MSR1: variants seen among roughly 807,000 people sequenced by gnomAD.
The protein encoded by MSR1 is macrophage scavenger receptor types I and II.
Under a neutral mutation model 47.2 loss-of-function variants are expected in MSR1, and 53 were observed. That is an observed-to-expected ratio of 1.12 (90% CI 0.90 to 1.41). The LOEUF (loss-of-function observed/expected upper bound fraction) is 1.41, where lower values mean the gene tolerates loss of function less well. Ranked by LOEUF, MSR1 falls within the 40% of genes most tolerant of loss-of-function variation. MSR1 has a pLI of 0.00. For synonymous variants in MSR1, 239 were observed against 185.6 expected, an observed-to-expected ratio of 1.29 and a Z score of -2.34; for missense variants, 786 against 546.9, an observed-to-expected ratio of 1.44 and a Z score of -4.36.
At chr8:16,149,530 ACT>A (rs1412122214) in intron 7 of MSR1, among the ~76,000 whole-genome samples, 8 of 151,576 alleles carry the variant, frequency 5.3e-5, no homozygotes, top group African/African-American at 1.9e-4. Flanking sequence ...ACTTGGCCCG[ACT>A]CTATTCTCTT....
intron 8 of MSR1, among the ~76,000 whole-genome samples, chr8:16,132,676 G>A (rs1800289808): frequency 6.6e-6 from 1 of 150,380 alleles, no homozygotes; most frequent in Non-Finnish European, 1.5e-5. Context: ...TAGTACAGAC[G>A]GGTTTTGCCA....
intron 9 of MSR1, among the ~76,000 whole-genome samples, chr8:16,118,209 T>C (rs573368269): frequency 6.6e-6 from 1 of 152,242 alleles, no homozygotes; most frequent in East Asian, 1.9e-4. Flanking sequence ...CAAAAGCACA[T>C]CTTGAGAATC....
intron 3 of MSR1, among the ~76,000 whole-genome samples, chr8:16,170,588 T>C (rs1157340794): frequency 6.6e-6 from 1 of 152,186 alleles, no homozygotes; most frequent in Non-Finnish European, 1.5e-5. Flanking sequence ...CTCAAAAATA[T>C]ATGCAGCTCC....
At position 16,125,637 on chromosome 8, in the gene MSR1, T is replaced by C. The variant is rs528698643; in HGVS notation, c.1034-5031A>G. 3.3e-5 allele frequency among the ~76,000 whole-genome samples: 5 copies of C among 152,236 alleles called. No homozygotes were observed. The South Asian group carries it at 1.0e-3, about 32-fold the overall frequency. On this transcript the variant is annotated intron_variant, in intron 8 of 9. Coordinates refer to ENST00000262101, the MANE Select transcript of MSR1 (RefSeq NM_138715.3). ...GGGACATAAGAATAGTACATACATA[T>C]GTAGTAAATGCACAAAAACATGAAC...
At chr8:16,187,834 T>C (rs1279112830) in intron 1 of MSR1, among the ~76,000 whole-genome samples, 3 of 152,156 alleles carry the variant, frequency 2.0e-5, no homozygotes, top group African/African-American at 7.2e-5. Flanking sequence ...ACAAAAAATA[T>C]TACCCTCAGT....
intron 8 of MSR1, among the ~76,000 whole-genome samples, chr8:16,142,114 AG>A (rs1800573519): frequency 6.6e-6 from 1 of 152,182 alleles, no homozygotes; most frequent in African/African-American, 2.4e-5. Flanking sequence ...GCAGATCATG[AG>A]GTCAGGGGAT....
intron 3 of MSR1, 53 bp from the exon 4 acceptor site, chr8:16,168,923 C>G: frequency 6.7e-7 from 1 of 1,494,982 alleles, no homozygotes; most frequent in Non-Finnish European, 9.2e-7. Context: ...TGAATGCATA[C>G]AGGATCCCAT....
chr8:16,165,714 C>T (rs1015915761), intron 4 of MSR1, among the ~76,000 whole-genome samples: 6 of 152,050 alleles, frequency 3.9e-5, no homozygotes, highest in Middle Eastern at 3.2e-3. Flanking sequence ...ACTAGACAAG[C>T]TTAGGTGAGA....
At chr8:16,152,085 C>A (rs1013980313) in intron 6 of MSR1, among the ~76,000 whole-genome samples, 2 of 151,386 alleles carry the variant, frequency 1.3e-5, no homozygotes, top group African/African-American at 2.4e-5. Context: ...TTCTCCTCCC[C>A]CTCTTCCTCA....
intron 8 of MSR1, among the ~76,000 whole-genome samples, chr8:16,142,905 A>G (rs994358679): frequency 6.6e-6 from 1 of 152,140 alleles, no homozygotes; most frequent in African/African-American, 2.4e-5. Flanking sequence ...TAATCCTTTC[A>G]TTATATCAGT....
intron 5 of MSR1, among the ~76,000 whole-genome samples, chr8:16,159,573 C>T (rs561519734): frequency 6.6e-6 from 1 of 151,888 alleles, no homozygotes; most frequent in Non-Finnish European, 1.5e-5. Context: ...AAGGATAAAG[C>T]ACTCATTAAT....
chr8:16,119,975 C>G (rs1799958965), intron 9 of MSR1, among the ~76,000 whole-genome samples: 1 of 151,286 alleles, frequency 6.6e-6, no homozygotes, highest in South Asian at 2.1e-4. Flanking sequence ...TTCAGCCTCC[C>G]AAAGTGCTGG....
chr8:16,110,251 T>A, intron 9 of MSR1, 33 bp from the exon 10 acceptor site: 1 of 1,610,892 alleles, frequency 6.2e-7, no homozygotes, highest in Non-Finnish European at 8.5e-7. Flanking sequence ...CATTAGTAAG[T>A]TTAGAGTTTA....
intron 8 of MSR1, among the ~76,000 whole-genome samples, chr8:16,139,053 G>C (rs1324444105): frequency 1.3e-5 from 2 of 152,136 alleles, no homozygotes; most frequent in African/African-American, 4.8e-5. Flanking sequence ...ACTCTGTTTA[G>C]TAGCTTCTTT....
chr8:16,190,356 CTT>C (rs2116954863), intron 1 of MSR1, among the ~76,000 whole-genome samples: 1 of 152,204 alleles, frequency 6.6e-6, no homozygotes, highest in South Asian at 2.1e-4. Context: ...ATATTCCAGA[CTT>C]ATATGTGAAT....
At chr8:16,156,002 T>C (rs1031185240) in intron 5 of MSR1, among the ~76,000 whole-genome samples, 17 of 151,872 alleles carry the variant, frequency 1.1e-4, no homozygotes, top group African/African-American at 3.4e-4. Context: ...CTGCTCATCA[T>C]GCCTTTAAAA....
intron 7 of MSR1, among the ~76,000 whole-genome samples, chr8:16,148,019 G>A (rs551594124): frequency 3.3e-5 from 5 of 152,174 alleles, no homozygotes; most frequent in African/African-American, 4.8e-5. Context: ...ACATCCTCCT[G>A]GTGATTCCAA....
chr8:16,182,649 C>T (rs1410623144), intron 1 of MSR1, among the ~76,000 whole-genome samples: 1 of 151,698 alleles, frequency 6.6e-6, no homozygotes, highest in African/African-American at 2.4e-5. Flanking sequence ...TACACAGGGT[C>T]AGGCTCATCA....
chr8:16,129,486 C>G (rs138600779), intron 8 of MSR1, among the ~76,000 whole-genome samples: 122 of 152,228 alleles, frequency 8.0e-4, no homozygotes, highest in Middle Eastern at 3.4e-3. Flanking sequence ...TGGCTTATGT[C>G]TGTAACCCCA....
Sources: allele counts gnomAD v4.1 joint callset (sites outside exome capture counted in the v4.1 genomes callset), GRCh38; gene constraint gnomAD v4.1.1; transcripts MANE v1.5; gene names NCBI Gene and HGNC (gene_info 2026-07-23, HGNC 2026-07-21).